The following LOC400499 variants were observed in gnomAD, a reference collection of about 807,000 sequenced individuals.
At chr16:11,513,174 T>C in the LOC400499 span, among the ~76,000 whole-genome samples, 2 of 151,644 alleles carry the variant, frequency 1.3e-5, no homozygotes, top group African/African-American at 4.9e-5. Context: ...GAGGGCGAGG[T>C]GGAAGGATTA....
the LOC400499 span, among the ~76,000 whole-genome samples, chr16:11,376,192 T>C: frequency 6.6e-6 from 1 of 152,258 alleles, no homozygotes; most frequent in Non-Finnish European, 1.5e-5. Flanking sequence ...TATCCTTCAA[T>C]GCGATCCAGT....
chr16:11,473,582 C>A, the LOC400499 span, among the ~76,000 whole-genome samples: 1 of 151,872 alleles, frequency 6.6e-6, no homozygotes, highest in Non-Finnish European at 1.5e-5. Context: ...TGGTAAAACC[C>A]TGTCTCCACT....
chr16:11,432,105 A>G, the LOC400499 span, among the ~76,000 whole-genome samples: 1 of 152,194 alleles, frequency 6.6e-6, no homozygotes, highest in Admixed American at 6.5e-5. Context: ...CCAGACATGT[A>G]AAGGAAGCCT....
chr16:11,461,789 G>T, the LOC400499 span, among the ~76,000 whole-genome samples: 515 of 152,250 alleles, frequency 3.4e-3, no homozygotes, highest in Middle Eastern at 0.031. Flanking sequence ...ACACCCAGGC[G>T]CCACTACCCC....
the LOC400499 span, among the ~76,000 whole-genome samples, chr16:11,506,581 CGTCT>C: frequency 1.3e-5 from 2 of 152,258 alleles, no homozygotes; most frequent in East Asian, 1.9e-4. Flanking sequence ...CTGCTGGCTC[CGTCT>C]GTCTGTCCCC....
At chr16:11,469,217 G>C in the LOC400499 span, 6 of 399,464 alleles carry the variant, frequency 1.5e-5, no homozygotes, top group South Asian at 3.8e-4. Context: ...CCAGCTCCAA[G>C]TGACCCGTGT....
At chr16:11,448,598 G>A in the LOC400499 span, among the ~76,000 whole-genome samples, 1 of 152,256 alleles carries the variant, frequency 6.6e-6, no homozygotes, top group Non-Finnish European at 1.5e-5. Flanking sequence ...TGAGTGGCAT[G>A]TGCCTATAGT....
At chr16:11,387,446 C>G in the LOC400499 span, among the ~76,000 whole-genome samples, 4 of 152,124 alleles carry the variant, frequency 2.6e-5, no homozygotes, top group Non-Finnish European at 5.9e-5. Context: ...TTTGGGAAAT[C>G]CCATCATGAG....
At chr16:11,492,766 CAG>C in the LOC400499 span, among the ~76,000 whole-genome samples, 1 of 145,258 alleles carries the variant, frequency 6.9e-6, no homozygotes, top group Non-Finnish European at 1.5e-5. Context: ...GCCTGGGTGA[CAG>C]AGTGAGACTC....
chr16:11,462,128 G>A, the LOC400499 span: 1 of 1,509,448 alleles, frequency 6.6e-7, no homozygotes, highest in South Asian at 1.2e-5. Flanking sequence ...TGTCACGTTG[G>A]CCTGGTCACT....
chr16:11,447,576 G>C, the LOC400499 span, among the ~76,000 whole-genome samples: 1 of 152,134 alleles, frequency 6.6e-6, no homozygotes, highest in Non-Finnish European at 1.5e-5. Context: ...GCTGCTCAAT[G>C]CATAGCCCGC....
the LOC400499 span, chr16:11,516,116 ACCCCCTT>A: frequency 2.5e-6 from 1 of 399,254 alleles, no homozygotes; most frequent in Non-Finnish European, 4.4e-6. Flanking sequence ...TCTACCCCCT[ACCCCCTT>A]CCCATCTCCT....
the LOC400499 span, chr16:11,462,447 T>C: frequency 5.4e-6 from 7 of 1,284,408 alleles, no homozygotes; most frequent in Non-Finnish European, 6.9e-6. Flanking sequence ...TCTTTTTCCT[T>C]GAGACAGAGT....
chr16:11,440,980 T>C, the LOC400499 span: 34 of 398,902 alleles, frequency 8.5e-5, no homozygotes, highest in South Asian at 8.9e-4. Flanking sequence ...CTGTGCCGGA[T>C]TTCCCCATGC....
chr16:11,505,818 T>C, the LOC400499 span, among the ~76,000 whole-genome samples: 1 of 152,162 alleles, frequency 6.6e-6, no homozygotes, highest in Admixed American at 6.5e-5. Context: ...GATACATTCA[T>C]CTAATCAAAT....
the LOC400499 span, among the ~76,000 whole-genome samples, chr16:11,503,458 G>C: frequency 1.3e-5 from 2 of 152,112 alleles, no homozygotes; most frequent in Non-Finnish European, 2.9e-5. Flanking sequence ...CAAGGTAGGA[G>C]CCGAGCCAAG....
chr16:11,524,301 C>T, the LOC400499 span, among the ~76,000 whole-genome samples: 2 of 146,324 alleles, frequency 1.4e-5, no homozygotes, highest in Admixed American at 7.0e-5. Context: ...ACCCACTCCC[C>T]GCTGTTATCC....
At chr16:11,466,436 G>T in the LOC400499 span, among the ~76,000 whole-genome samples, 2 of 151,620 alleles carry the variant, frequency 1.3e-5, no homozygotes, top group Non-Finnish European at 2.9e-5. Context: ...TGCCCAGGCT[G>T]CAGTAAAGTG....
the LOC400499 span, chr16:11,383,541 A>G: frequency 8.5e-7 from 1 of 1,174,200 alleles, no homozygotes; most frequent in Non-Finnish European, 1.1e-6. Context: ...TTGAATGACA[A>G]TTATTTGTCC....
Sources: allele counts gnomAD v4.1 joint callset (sites outside exome capture counted in the v4.1 genomes callset), GRCh38; gene constraint gnomAD v4.1.1; transcripts MANE v1.5.